Variants in MRPL22 observed in about 807,000 individuals in gnomAD.
MRPL22 encodes the protein large ribosomal subunit protein uL22m.
A neutral mutation model predicts 32.4 loss-of-function variants in MRPL22; 27 were observed. The ratio of observed to expected loss-of-function variants is 0.83; its 90% CI spans 0.61 to 1.15. The LOEUF (loss-of-function observed/expected upper bound fraction) is 1.15. Among genes scored for constraint, MRPL22 ranks in the 50% most tolerant of loss-of-function variants. The pLI is 0.00. For missense variants in MRPL22, 239 were observed against 260.2 expected, an observed-to-expected ratio of 0.92 and a Z score of 0.56; for synonymous variants, 86 against 87.3, an observed-to-expected ratio of 0.99 and a Z score of 0.08.
chr5:154,942,316 A>G (rs573876699), intron 2 of MRPL22, among the ~76,000 whole-genome samples: 2 of 152,324 alleles, frequency 1.3e-5, no homozygotes, highest in East Asian at 3.9e-4. Context: ...ATGGCATGTG[A>G]TAATCCCACT....
At position 154,956,437 on chromosome 5, in the gene MRPL22, G is replaced by C. The variant is rs771720135; in HGVS notation, c.261+1G>C. 1 of 1,595,958 alleles carries C rather than the reference G, an allele frequency of 6.3e-7. No homozygotes were observed. Among genetic ancestry groups the C allele is most frequent in the Non-Finnish European group, 8.6e-7 (1 of 1,164,358 alleles). On this transcript the variant is annotated splice_donor_variant, in intron 4 of 6. Transcript: ENST00000523037. LOFTEE classifies it high-confidence loss of function. ...CAAGATGTGGTATTTGGCAAAATTGGTAAGCTGCAATGACTATTACCATAT... is the reference window on the plus strand; with the variant it reads ...CAAGATGTGGTATTTGGCAAAATTGCTAAGCTGCAATGACTATTACCATAT...
chr5:154,961,385 C>G (rs905558036), intron 6 of MRPL22, among the ~76,000 whole-genome samples: 1 of 152,168 alleles, frequency 6.6e-6, no homozygotes, highest in Non-Finnish European at 1.5e-5. Flanking sequence ...CTTAAAACCT[C>G]TTGGTGATTC....
intron 2 of MRPL22, among the ~76,000 whole-genome samples, chr5:154,949,323 G>C (rs1764529605): frequency 6.6e-6 from 1 of 151,874 alleles, no homozygotes; most frequent in Non-Finnish European, 1.5e-5. Flanking sequence ...AGTAGTCAGT[G>C]ACACTGAAAA....
At chr5:154,956,166 A>G in intron 3 of MRPL22, 1 of 508,912 alleles carries the variant, frequency 2.0e-6, no homozygotes, top group Non-Finnish European at 3.4e-6. Flanking sequence ...TCCCGTAGTA[A>G]TCTTTTAACA....
chr5:154,960,803 G>C (rs1383510532), intron 6 of MRPL22, among the ~76,000 whole-genome samples: 1 of 152,164 alleles, frequency 6.6e-6, no homozygotes, highest in East Asian at 1.9e-4. Context: ...AGTGGTTGGA[G>C]TTATTATTTT....
chr5:154,963,982 C>T (rs983631675), intron 6 of MRPL22, among the ~76,000 whole-genome samples: 9 of 151,986 alleles, frequency 5.9e-5, no homozygotes, highest in Admixed American at 2.6e-4. Flanking sequence ...ATGAGGAGAA[C>T]AGTGTGAAGG....
Position 154,966,877 on chromosome 5 carries a change from A to G in MRPL22, c.601A>G (p.Thr201Ala), listed in dbSNP as rs140766404. The G allele has an allele frequency of 1.5e-4, 240 of 1,612,828 alleles. No homozygotes were observed. The African/African-American group carries it at 2.8e-3, about 19-fold the overall frequency. The part of the protein sequence containing the change: ...KEYIQQLRSR[T>A]IVHTL ...GTATATTCAGCAGCTTCGCAGCCGG[A>G]CCATCGTTCACACTCTATGATGAGG... The change falls in exon 7 of 7, where the codon ACC (threonine) becomes GCC (alanine). Residue 201 changes from threonine to alanine, a missense_variant. Thr to Ala is a moderately conservative substitution (Grantham distance 58). Transcript: ENST00000523037.
intron 3 of MRPL22, among the ~76,000 whole-genome samples, chr5:154,953,400 A>C (rs1764591192): frequency 6.7e-6 from 1 of 149,500 alleles, no homozygotes; most frequent in Non-Finnish European, 1.5e-5. Context: ...AAAATGAGCC[A>C]GAGAGAAATT....
At chr5:154,966,580 C>T (rs1045851975) in intron 6 of MRPL22, 106 bp from the exon 7 acceptor site, 2 of 1,164,416 alleles carry the variant, frequency 1.7e-6, no homozygotes, top group Non-Finnish European at 2.5e-6. Flanking sequence ...AACCAGTGAG[C>T]CCATGTAATC....
chr5:154,957,086 A>G (rs1182450728), intron 4 of MRPL22, 49 bp from the exon 5 acceptor site: 4 of 1,497,192 alleles, frequency 2.7e-6, no homozygotes, highest in Non-Finnish European at 3.7e-6. Flanking sequence ...GGAAACATTG[A>G]CTTTGTAAAC....
At chr5:154,963,686 G>C (rs1764731534) in intron 6 of MRPL22, among the ~76,000 whole-genome samples, 1 of 152,158 alleles carries the variant, frequency 6.6e-6, no homozygotes, top group Non-Finnish European at 1.5e-5. Context: ...GTATAAGTTT[G>C]GTTGAGGAGG....
At chr5:154,956,327 C>G in intron 3 of MRPL22, 44 bp from the exon 4 acceptor site, 1 of 1,378,538 alleles carries the variant, frequency 7.3e-7, no homozygotes, top group South Asian at 1.2e-5. Flanking sequence ...TTGTGGTAAA[C>G]CTGCTAACAT....
Position 154,941,142 on chromosome 5 carries a change from A to G in MRPL22, c.28+4A>G. 1 of 1,614,104 alleles carries G rather than the reference A, an allele frequency of 6.2e-7. No individual in the cohort carries two copies. The highest frequency in any genetic ancestry group is 1.1e-5 in the South Asian group (1 of 91,074). On this transcript the variant is annotated splice_donor_region_variant and intron_variant, in intron 1 of 6. Coordinates refer to ENST00000523037, the MANE Select transcript of MRPL22 (RefSeq NM_014180.4). ...GCGGCAGTACTGGGACAGTTGGGTAAGGATTTCTTAGTGGTTAAGCGACAG... is the reference window on the plus strand; with the variant it reads ...GCGGCAGTACTGGGACAGTTGGGTAGGGATTTCTTAGTGGTTAAGCGACAG...
rs769933224 is a variant in MRPL22, at chr5:154,941,139, G to C, written c.28+1G>C. 1 of 1,614,126 alleles carries C rather than the reference G, an allele frequency of 6.2e-7. No homozygotes were observed. Among genetic ancestry groups the C allele is most frequent in the Non-Finnish European group, 8.5e-7 (1 of 1,180,032 alleles). The stretch of plus-strand genomic sequence containing the variant: ...GCGGCGGCAGTACTGGGACAGTTGG[G>C]TAAGGATTTCTTAGTGGTTAAGCGA... On this transcript the variant is annotated splice_donor_variant, in intron 1 of 6. Coordinates refer to ENST00000523037, the MANE Select transcript of MRPL22 (RefSeq NM_014180.4). LOFTEE classifies it high-confidence loss of function.
intron 5 of MRPL22, among the ~76,000 whole-genome samples, chr5:154,958,604 G>A (rs1027950176): frequency 2.0e-5 from 3 of 147,882 alleles, no homozygotes; most frequent in Non-Finnish European, 4.5e-5. Context: ...GAGTACAGTG[G>A]CGCCATCTCC....
intron 6 of MRPL22, among the ~76,000 whole-genome samples, chr5:154,964,077 A>G (rs879368282): frequency 6.6e-6 from 1 of 152,188 alleles, no homozygotes; most frequent in Non-Finnish European, 1.5e-5. Flanking sequence ...CAGGCTGTGT[A>G]TTTGGTTCAA....
At chr5:154,956,790 G>T in intron 4 of MRPL22, 1 of 334,166 alleles carries the variant, frequency 3.0e-6, no homozygotes. Flanking sequence ...TATAGATGAG[G>T]GGAGACTGAA....
intron 2 of MRPL22, among the ~76,000 whole-genome samples, chr5:154,948,432 T>TAATTTATTTGTTGG (rs1764519998): frequency 6.6e-6 from 1 of 152,226 alleles, no homozygotes; most frequent in South Asian, 2.1e-4. Flanking sequence ...TTTTTTCTTG[T>TAATTTATTTGTTGG]AATTTATTTG....
Position 154,957,116 on chromosome 5 carries a change from T to C in MRPL22, c.262-19T>C. ...GTAAACTAATTTATTTTCTTTTGTC[T>C]CTCACCCTTTAATTCTAGATACGAG... On this transcript the variant is annotated intron_variant, in intron 4 of 6. Transcript: ENST00000523037. The C allele has an allele frequency of 6.3e-7, 1 of 1,593,026 alleles. No individual in the cohort carries two copies. The highest frequency in any genetic ancestry group is 8.6e-7 in the Non-Finnish European group (1 of 1,162,628).
Sources: allele counts gnomAD v4.1 joint callset (sites outside exome capture counted in the v4.1 genomes callset), GRCh38; gene constraint gnomAD v4.1.1; transcripts MANE v1.5; gene names NCBI Gene and HGNC (gene_info 2026-07-23, HGNC 2026-07-21).